Variants in PEG3 observed in about 807,000 individuals in gnomAD.
PEG3 encodes the protein paternally-expressed gene 3 protein.
PEG3 carries 23 observed loss-of-function variants against 35.5 expected under a neutral mutation model. The observed-to-expected ratio is 0.65, with a 90% CI of 0.47 to 0.92. The LOEUF (loss-of-function observed/expected upper bound fraction) is 0.92. Ranked by LOEUF, PEG3 falls within the 40% of genes least tolerant of loss-of-function variation. PEG3 has a pLI of 0.00. For missense variants in PEG3, 1,960 were observed against 1,985.3 expected, an observed-to-expected ratio of 0.99 and a Z score of 0.24; for synonymous variants, 707 against 697.0, an observed-to-expected ratio of 1.01 and a Z score of -0.23.
Position 56,813,403 on chromosome 19 carries a change from C to G in PEG3, c.*272G>C, listed in dbSNP as rs569954278. 8.0e-7 allele frequency: 1 copy of G among 1,257,732 alleles called. No individual in the cohort carries two copies. Among genetic ancestry groups the G allele is most frequent in the Non-Finnish European group, 1.0e-6 (1 of 998,080 alleles). 77.9% of individuals were successfully genotyped at this position (1,257,732 alleles called of 1,614,324 possible). The stretch of plus-strand genomic sequence containing the variant: ...GGCAAACTCTGTAGTCTGGAATACT[C>G]ATAGGGTTTTCTCAATCTGATTACT... On this transcript the variant is annotated 3_prime_UTR_variant, in exon 10 of 10. Coordinates refer to ENST00000326441, the MANE Select transcript of PEG3 (RefSeq NM_006210.3).
chr19:56,839,904 A>G (rs1215243887), intron 1 of PEG3, among the ~76,000 whole-genome samples: 4 of 152,044 alleles, frequency 2.6e-5, no homozygotes, highest in Non-Finnish European at 5.9e-5. Context: ...CAACCAACCA[A>G]GGCAGCTCCT....
At chr19:56,833,510 G>C (rs372489089) in intron 2 of PEG3, 1 of 263,904 alleles carries the variant, frequency 3.8e-6, no homozygotes, top group Non-Finnish European at 7.5e-6. Flanking sequence ...TTAAATGCCC[G>C]ACACTCAGTG....
rs1235659029 is a variant in PEG3, at chr19:56,810,914, A to G, written c.*2761T>C. 4.1e-6 allele frequency: 4 copies of G among 964,784 alleles called. No homozygotes were observed. Among genetic ancestry groups the G allele is most frequent in the African/African-American group, 1.8e-5 (1 of 56,786 alleles). The allele number at this position is 964,784 out of a possible 1,614,324, so 59.8% of individuals were successfully genotyped here. On this transcript the variant is annotated 3_prime_UTR_variant, in exon 10 of 10. Transcript: ENST00000326441. ...GAGACACACATAATACACTGTTATC[A>G]GGACATTATTATAGGGAACATTTGA... is the stretch of plus-strand genomic sequence containing the variant.
intron 1 of PEG3, among the ~76,000 whole-genome samples, chr19:56,840,004 T>G (rs958067561): frequency 6.6e-6 from 1 of 151,964 alleles, no homozygotes; most frequent in African/African-American, 2.4e-5. Context: ...CCTTCGCCCC[T>G]CCCACCACCA....
Position 56,817,435 on chromosome 19 carries a change from T to A in PEG3, c.1007A>T (p.Asp336Val). The change falls in exon 10 of 10, where the codon GAC becomes GTC. Residue 336 changes from aspartate to valine, a missense_variant. Asp to Val is a radical substitution (Grantham distance 152). Transcript: ENST00000326441. ...SKSGRARESS[D>V]RSQRFPRMSD... ...CATTCTGGGGAATCTCTGTGACCGG[T>A]CGCTTGACTCCCTTGCTCTTCCCGA... is the stretch of plus-strand genomic sequence containing the variant. 6.2e-7 allele frequency: 1 copy of A among 1,614,130 alleles called. No individual in the cohort carries two copies. The highest frequency in any genetic ancestry group is 1.1e-5 in the South Asian group (1 of 91,068).
chr19:56,811,598 AC>A lies in PEG3; in HGVS notation c.*2076del. 1.0e-6 allele frequency: 1 copy of A among 985,336 alleles called. No homozygotes were observed. Among genetic ancestry groups the A allele is most frequent in the Non-Finnish European group, 1.2e-6 (1 of 829,874 alleles). 61.0% of individuals were successfully genotyped at this position (985,336 alleles called of 1,614,324 possible). A position where few individuals can be genotyped will look rare whatever the true frequency, so the allele number is the denominator to read the frequency against. On this transcript the variant is annotated 3_prime_UTR_variant, in exon 10 of 10. Coordinates refer to ENST00000326441, the MANE Select transcript of PEG3 (RefSeq NM_006210.3). ...GCAAGTTGCTTTCTGAAAAGGGGCT[AC>A]CACTGCCAACAATGTTAACACCAAG... is the stretch of plus-strand genomic sequence containing the variant.
At chr19:56,823,897 C>T (rs1214729962) in intron 4 of PEG3, among the ~76,000 whole-genome samples, 1 of 152,132 alleles carries the variant, frequency 6.6e-6, no homozygotes, top group East Asian at 1.9e-4. Context: ...ACCCCGACCT[C>T]ACCCCCAGAC....
rs116406221 is a variant in PEG3, at chr19:56,821,281, T to G, written c.669+370A>C. Among the ~76,000 whole-genome samples, 317 of 152,298 alleles carry G rather than the reference T, an allele frequency of 2.1e-3. 2 individuals are homozygous for G. Among genetic ancestry groups the G allele is most frequent in the African/African-American group, 7.0e-3 (293 of 41,570 alleles). On this transcript the variant is annotated intron_variant, in intron 7 of 9. Transcript: ENST00000326441. ...CCAGCTCCTGTCAGCTCCAGAGCCT[T>G]TGTGCTCCCTGGCCAGTCTACTCTG...
chr19:56,838,870 C>A (rs1426173237), intron 1 of PEG3, among the ~76,000 whole-genome samples: 1 of 152,224 alleles, frequency 6.6e-6, no homozygotes, highest in Non-Finnish European at 1.5e-5. Context: ...TGGACAACCC[C>A]ACACCTATGC....
chr19:56,813,379 G>A lies in PEG3; in HGVS notation c.*296C>T, dbSNP rs1448692674. 8.5e-7 allele frequency: 1 copy of A among 1,177,486 alleles called. No individual in the cohort carries two copies. The highest frequency in any genetic ancestry group is 4.2e-5 in the East Asian group (1 of 23,806). The allele number at this position is 1,177,486 out of a possible 1,614,324, so 72.9% of individuals were successfully genotyped here. ...CAAGTGTCATTTACAGTTGATTTGG[G>A]CAAACTCTGTAGTCTGGAATACTCA... is the stretch of plus-strand genomic sequence containing the variant. On this transcript the variant is annotated 3_prime_UTR_variant, in exon 10 of 10. Coordinates refer to ENST00000326441, the MANE Select transcript of PEG3 (RefSeq NM_006210.3).
chr19:56,825,418 C>G (rs984327142), intron 3 of PEG3, among the ~76,000 whole-genome samples: 2 of 152,242 alleles, frequency 1.3e-5, no homozygotes, highest in Non-Finnish European at 2.9e-5. Context: ...TCTAATCTGT[C>G]TAAAAGAACC....
chr19:56,815,306 G>A lies in PEG3; in HGVS notation c.3136C>T (p.Leu1046Phe), dbSNP rs1372793863. The change falls in exon 10 of 10, where the codon CTC becomes TTC. Residue 1046 changes from leucine (L) to phenylalanine (F), a missense_variant. Transcript: ENST00000326441. ...FRQFFATSED[L>F]NTNQKIYDQE... ...TCATAGATTTTCTGGTTTGTGTTGA[G>A]GTCTTCGCTGGTAGCAAAAAATTGT... 2 of 1,614,234 alleles carry A rather than the reference G, an allele frequency of 1.2e-6. No individual in the cohort carries two copies. The highest frequency in any genetic ancestry group is 1.7e-5 in the Admixed American group (1 of 60,034).
intron 2 of PEG3, among the ~76,000 whole-genome samples, chr19:56,832,168 G>A (rs536714531): frequency 1.3e-5 from 2 of 152,126 alleles, no homozygotes; most frequent in East Asian, 3.9e-4. Flanking sequence ...TCGCAATCAG[G>A]AAAAAAACTG....
chr19:56,813,814 G>C lies in PEG3; in HGVS notation c.4628C>G (p.Ser1543Ter). 1 of 1,614,114 alleles carries C rather than the reference G, an allele frequency of 6.2e-7. No homozygotes were observed. The highest frequency in any genetic ancestry group is 8.5e-7 in the Non-Finnish European group (1 of 1,180,016). The change falls in exon 10 of 10, where the codon TCA becomes TGA. Residue 1543 changes from serine (S) to a stop codon, truncating the protein, a stop_gained. Coordinates refer to ENST00000326441, the MANE Select transcript of PEG3 (RefSeq NM_006210.3). LOFTEE classifies it low-confidence loss of function (END_TRUNC). ...GGTGCTGGCACGTTCGATGTAGCCT[G>C]AGCACTCCCCAAAGGCATTTGCAGG... ...FEPANAFGECSGYIERASTST... is the reference protein window; with the variant it reads ...FEPANAFGEC
rs1318302809 is a variant in PEG3, at chr19:56,824,487, A to G, written c.169T>C (p.Phe57Leu). The change falls in exon 4 of 10, where the codon TTT (phenylalanine) becomes CTT (leucine). Residue 57 changes from phenylalanine (F) to leucine (L), a missense_variant. This residue lies in a region of PEG3 where 613 missense variants were observed against 577.1 expected (regional missense o/e 1.06). Transcript: ENST00000326441. ...ATCAGGGTCTTCCGAGGCCCAACAAATTCCACATAGATTAGGTTCCGAAAC... is the reference window on the plus strand; with the variant it reads ...ATCAGGGTCTTCCGAGGCCCAACAAGTTCCACATAGATTAGGTTCCGAAAC... ...QRFRNLIYVEFVGPRKTLIKL... is the reference protein window; with the variant it reads ...QRFRNLIYVELVGPRKTLIKL... The G allele has an allele frequency of 6.2e-7, 1 of 1,614,084 alleles. No homozygotes were observed. The highest frequency in any genetic ancestry group is 1.3e-5 in the African/African-American group (1 of 75,004).
rs764791278 is a variant in PEG3 at position 56,822,734 on chromosome 19, G to T, written c.565+19C>A. On this transcript the variant is annotated intron_variant, in intron 6 of 9. Coordinates refer to ENST00000326441, the MANE Select transcript of PEG3 (RefSeq NM_006210.3). The stretch of plus-strand genomic sequence containing the variant: ...ATGCTCTATATCTCCTACTGGGAAA[G>T]AAAGTGGTTAAGACTCACTGCTTCT... The T allele has an allele frequency of 1.2e-6, 2 of 1,613,584 alleles. No individual in the cohort carries two copies. The highest frequency in any genetic ancestry group is 1.1e-5 in the South Asian group (1 of 90,810).
rs748156349 is a variant in PEG3 at position 56,814,989 on chromosome 19, G to A, written c.3453C>T (p.Ser1151=). The change falls in exon 10 of 10, where the codon AGC becomes AGT. Residue 1151 remains serine (S), a synonymous_variant. Transcript: ENST00000326441. The surrounding 1 kb of genome is among the most constrained non-coding windows in gnomAD (Gnocchi z 5.8). ...THSVIHTHSI[S]EYQRDYTGEQ... is the part of the protein sequence containing the mutation. ...CTCCAGTGTAATCTCTCTGATACTC[G>A]CTGATGGAATGGGTGTGAATTACAG... is the stretch of plus-strand genomic sequence containing the variant. 14 of 1,613,970 alleles carry A rather than the reference G, an allele frequency of 8.7e-6. No homozygotes were observed. The highest frequency in any genetic ancestry group is 3.3e-5 in the South Asian group (3 of 91,082).
At chr19:56,839,392 C>A (rs2062680574) in intron 1 of PEG3, among the ~76,000 whole-genome samples, 1 of 151,760 alleles carries the variant, frequency 6.6e-6, no homozygotes, top group South Asian at 2.1e-4. Context: ...CAAACCTCAG[C>A]AGCCCCCATC....
chr19:56,812,619 AAAGG>A lies in PEG3; in HGVS notation c.*1052_*1055del, dbSNP rs751261580. 5.3e-5 allele frequency: 52 copies of A among 985,730 alleles called. No homozygotes were observed. Among genetic ancestry groups the A allele is most frequent in the Non-Finnish European group, 6.3e-5 (52 of 829,944 alleles). 61.1% of individuals were successfully genotyped at this position (985,730 alleles called of 1,614,324 possible). On this transcript the variant is annotated 3_prime_UTR_variant, in exon 10 of 10. Transcript: ENST00000326441. ...TTGTCACTTAAGGCAGGAAGCGCAC[AAAGG>A]AAGTGATGAAAGGTTATTAGCCTGC...
Sources: allele counts gnomAD v4.1 joint callset (sites outside exome capture counted in the v4.1 genomes callset), GRCh38; gene constraint gnomAD v4.1.1; regional missense constraint gnomAD v4.1.1; non-coding constraint Gnocchi (gnomAD v3.1); transcripts MANE v1.5; gene names NCBI Gene and HGNC (gene_info 2026-07-23, HGNC 2026-07-21).